Variants in SPECC1 observed in about 807,000 individuals in gnomAD.
SPECC1 encodes the protein cytospin-B.
Under a neutral mutation model 104.1 loss-of-function variants are expected in SPECC1, and 62 were observed. That is an observed-to-expected ratio of 0.60 (90% CI 0.49 to 0.74). The LOEUF (loss-of-function observed/expected upper bound fraction) is 0.74. SPECC1 is among the 30% of genes least tolerant of loss of function. The pLI is 0.00. For synonymous variants in SPECC1, 513 were observed against 501.6 expected (o/e 1.02, Z -0.30); for missense variants, 1,306 against 1,310.5 (o/e 1.00, Z 0.05).
At chr17:20,254,324 G>C (rs1370962828) in intron 10 of SPECC1, among the ~76,000 whole-genome samples, 1 of 152,118 alleles carries the variant, frequency 6.6e-6, no homozygotes, top group Admixed American at 6.5e-5. Flanking sequence ...GGGACACGTG[G>C]GCTTGAGTCT....
At chr17:20,193,894 C>T (rs2035832604) in intron 3 of SPECC1, among the ~76,000 whole-genome samples, 1 of 152,146 alleles carries the variant, frequency 6.6e-6, no homozygotes, top group Admixed American at 6.5e-5. Context: ...TTCTTCTGAG[C>T]AGCAGTCAGA....
chr17:20,219,862 G>A (rs59415205), intron 4 of SPECC1, among the ~76,000 whole-genome samples: 2,453 of 149,972 alleles, frequency 0.016, 48 homozygotes, highest in African/African-American at 0.055. Context: ...TTTTGTATAT[G>A]GGGGGGGTGT....
At chr17:20,312,632 G>A (rs747985546) in intron 14 of SPECC1, among the ~76,000 whole-genome samples, 56 of 152,246 alleles carry the variant, frequency 3.7e-4, no homozygotes, top group African/African-American at 4.6e-4. Context: ...TCCTTGGTAC[G>A]GATTTTAGGT....
chr17:20,231,848 A>G lies in SPECC1; in HGVS notation c.2145+17A>G, dbSNP rs565082620. On this transcript the variant is annotated intron_variant, in intron 6 of 14. Coordinates refer to ENST00000395527, the MANE Select transcript of SPECC1 (RefSeq NM_001243439.2). ...CAGATGAAGGTGAGATGCGGGTGGG[A>G]GCCTTCACCACCATCTTCCTATGAA... 1 of 1,612,052 alleles carries G rather than the reference A, an allele frequency of 6.2e-7. No individual in the cohort carries two copies. Among genetic ancestry groups the G allele is most frequent in the African/African-American group, 1.3e-5 (1 of 74,876 alleles).
At chr17:20,176,419 CCTT>C (rs1416451128) in intron 3 of SPECC1, among the ~76,000 whole-genome samples, 1 of 152,160 alleles carries the variant, frequency 6.6e-6, no homozygotes, top group Non-Finnish European at 1.5e-5. Context: ...GTGTCCCTCT[CCTT>C]CTCCCACTAC....
rs1373881239 is a variant in SPECC1 at position 20,021,700 on chromosome 17, A to AT, written c.-22+12277dup. ...AATATAATAATATATATATATATAT[A>AT]TATTTTTTTGTACTTTTAGTAGAGA... On this transcript the variant is annotated intron_variant, in intron 1 of 14. Coordinates refer to ENST00000395527, the MANE Select transcript of SPECC1 (RefSeq NM_001243439.2). Among the ~76,000 whole-genome samples, 73 of 101,622 alleles carry AT rather than the reference A, an allele frequency of 7.2e-4. 1 individual carries two copies. Among genetic ancestry groups the AT allele is most frequent in the East Asian group, 1.9e-3 (9 of 4,626 alleles). The allele number at this position is 101,622 out of a possible 152,430, so 66.7% of individuals were successfully genotyped here. A position where few individuals can be genotyped will look rare whatever the true frequency, so the allele number is the denominator to read the frequency against.
intron 12 of SPECC1, among the ~76,000 whole-genome samples, chr17:20,282,226 G>A (rs1234681770): frequency 6.6e-6 from 1 of 152,228 alleles, no homozygotes; most frequent in Non-Finnish European, 1.5e-5. Context: ...CCTGAGATGT[G>A]TATCTTCTGT....
intron 13 of SPECC1, among the ~76,000 whole-genome samples, chr17:20,298,948 A>AGAGAGAGAGTGT: frequency 1.8e-4 from 9 of 49,070 alleles, no homozygotes; most frequent in African/African-American, 7.4e-4. Flanking sequence ...AGAGAGAGAG[A>AGAGAGAGAGTGT]GTGTGTGTGT....
intron 3 of SPECC1, chr17:20,113,041 C>A: frequency 2.5e-6 from 2 of 791,586 alleles, no homozygotes; most frequent in Non-Finnish European, 4.5e-6. Context: ...TTTTCCTTAT[C>A]ACTTTTCTTT....
intron 3 of SPECC1, among the ~76,000 whole-genome samples, chr17:20,154,066 AC>A (rs909108696): frequency 6.6e-6 from 1 of 152,258 alleles, no homozygotes; most frequent in Non-Finnish European, 1.5e-5. Context: ...AACTCATGGT[AC>A]TATACTACCA....
At chr17:20,300,302 G>A (rs989821355) in intron 13 of SPECC1, among the ~76,000 whole-genome samples, 4 of 152,310 alleles carry the variant, frequency 2.6e-5, no homozygotes, top group South Asian at 2.1e-4. Context: ...AGGCTTCAGC[G>A]GCCTCACGGG....
chr17:20,313,022 G>C (rs1234526942), intron 14 of SPECC1, among the ~76,000 whole-genome samples: 3 of 152,118 alleles, frequency 2.0e-5, no homozygotes, highest in Non-Finnish European at 4.4e-5. Context: ...TAACCACACA[G>C]AATCCAAATT....
intron 3 of SPECC1, among the ~76,000 whole-genome samples, chr17:20,188,597 T>A (rs888623832): frequency 6.6e-6 from 1 of 152,172 alleles, no homozygotes; most frequent in Admixed American, 6.5e-5. Context: ...GATATACTTA[T>A]GATGTGACCG....
intron 3 of SPECC1, among the ~76,000 whole-genome samples, chr17:20,200,254 T>C (rs2036326989): frequency 6.6e-6 from 1 of 152,208 alleles, no homozygotes; most frequent in Non-Finnish European, 1.5e-5. Context: ...ATATCATGTG[T>C]TCTGTTATAG....
Position 20,205,275 on chromosome 17 carries a change from C to T in SPECC1, c.1226C>T (p.Thr409Ile). The T allele has an allele frequency of 1.9e-6, 3 of 1,614,184 alleles. No homozygotes were observed. The highest frequency in any genetic ancestry group is 2.5e-6 in the Non-Finnish European group (3 of 1,180,038). The part of the protein sequence containing the change: ...SDQQQMVQEL[T>I]AENEKLVDEK... ...CAGCAACAAATGGTACAGGAATTGA[C>T]AGCTGAAAATGAGAAGCTGGTGGAT... The change falls in exon 4 of 15, where the codon ACA becomes ATA. Residue 409 changes from threonine (T) to isoleucine (I), a missense_variant. Physicochemically the swap from Thr to Ile is moderately conservative, Grantham distance 89. Transcript: ENST00000395527.
chr17:20,238,622 A>T (rs1435795087), intron 7 of SPECC1: 1 of 1,042,040 alleles, frequency 9.6e-7, no homozygotes, highest in South Asian at 4.6e-5. Flanking sequence ...AGAGACATTG[A>T]GGTCTTCTCT....
chr17:20,169,161 C>G (rs975603663), intron 3 of SPECC1, among the ~76,000 whole-genome samples: 11 of 152,226 alleles, frequency 7.2e-5, no homozygotes, highest in African/African-American at 1.9e-4. Context: ...GCGTGAGCCA[C>G]TCTGGCCACA....
At chr17:20,136,419 C>CA (rs2152554618) in intron 3 of SPECC1, among the ~76,000 whole-genome samples, 1 of 114,366 alleles carries the variant, frequency 8.7e-6, no homozygotes, top group South Asian at 2.5e-4. Flanking sequence ...AGCTAGACTC[C>CA]ATCTATTAAA....
intron 1 of SPECC1, among the ~76,000 whole-genome samples, chr17:20,091,957 G>A (rs2047420597): frequency 1.3e-5 from 2 of 152,164 alleles, no homozygotes; most frequent in South Asian, 2.1e-4. Flanking sequence ...ATTTAGTGGC[G>A]GAACAGCGTG....
Sources: allele counts gnomAD v4.1 joint callset (sites outside exome capture counted in the v4.1 genomes callset), GRCh38; gene constraint gnomAD v4.1.1; transcripts MANE v1.5; gene names NCBI Gene and HGNC (gene_info 2026-07-23, HGNC 2026-07-21).